Variants in PATL1 observed in about 807,000 individuals in gnomAD.
PATL1 encodes the protein protein PAT1 homolog 1.
A neutral mutation model predicts 100.6 loss-of-function variants in PATL1; 32 were observed. That is an observed-to-expected ratio of 0.32 (90% CI 0.24 to 0.43). The LOEUF is 0.43. Among genes scored for constraint, PATL1 ranks in the 20% least tolerant of loss-of-function variants. The pLI, the probability that PATL1 is intolerant of heterozygous loss-of-function variation, is 1.00. For missense variants in PATL1, 747 were observed against 949.9 expected (o/e 0.79, Z 2.81); for synonymous variants, 332 against 330.0 (o/e 1.01, Z -0.07).
chr11:59,644,914 A>G lies in PATL1; in HGVS notation c.1894-1879T>C, dbSNP rs545798248. On this transcript the variant is annotated intron_variant, in intron 15 of 18. Coordinates refer to ENST00000300146, the MANE Select transcript of PATL1 (RefSeq NM_152716.3). Reference sequence around the variant, plus strand: ...CCTTTTTTTTTTTTTTTTTTTAAAAAAAAAAAAAAAGCACAGTGCTTGGTT... The same window carrying G: ...CCTTTTTTTTTTTTTTTTTTTAAAAGAAAAAAAAAAGCACAGTGCTTGGTT... 1.5e-4 allele frequency among the ~76,000 whole-genome samples: 23 copies of G among 148,554 alleles called. No individual in the cohort carries two copies. In the South Asian group the frequency reaches 3.0e-3, roughly 19 times the overall value.
At chr11:59,650,837 T>G in intron 12 of PATL1, 24 bp from the exon 13 acceptor site, 2 of 1,486,010 alleles carry the variant, frequency 1.3e-6, no homozygotes, top group Non-Finnish European at 1.8e-6. Flanking sequence ...GACTATTCAA[T>G]GCAAATTCTT....
rs772215345 is a variant in PATL1, at chr11:59,657,543, C to G, written c.608G>C (p.Ser203Thr). Residue 203 changes from serine to threonine, a missense_variant, in exon 5 of 19, where the codon AGC becomes ACC. Transcript: ENST00000300146. Reference sequence around the variant, plus strand: ...AATGAGAGGTACCTGTTGGGTGAAGCTGGGTACAGCCATCTGTTTAGGTGG... The same window carrying G: ...AATGAGAGGTACCTGTTGGGTGAAGGTGGGTACAGCCATCTGTTTAGGTGG... ...GTPPKQMAVP[S>T]FTQQILCPKP... 12 of 1,601,498 alleles carry G rather than the reference C, an allele frequency of 7.5e-6. No homozygotes were observed. In the South Asian group the frequency reaches 1.2e-4, roughly 16 times the overall value.
intron 16 of PATL1, among the ~76,000 whole-genome samples, chr11:59,640,093 G>A (rs1217470415): frequency 6.6e-6 from 1 of 152,204 alleles, no homozygotes; most frequent in South Asian, 2.1e-4. Context: ...TGTAATCCCA[G>A]CACTATGGGA....
intron 15 of PATL1, among the ~76,000 whole-genome samples, chr11:59,644,888 T>C (rs1861338122): frequency 1.0e-5 from 1 of 96,238 alleles, no homozygotes; most frequent in Admixed American, 1.3e-4. Flanking sequence ...AGACTTCGTT[T>C]CCTTTTTTTT....
At chr11:59,665,512 C>T (rs182033942) in intron 2 of PATL1, among the ~76,000 whole-genome samples, 2 of 152,270 alleles carry the variant, frequency 1.3e-5, no homozygotes, top group African/African-American at 2.4e-5. Flanking sequence ...TAAAAATATA[C>T]AGTTTTGGCC....
At chr11:59,644,259 A>T (rs1248124604) in intron 15 of PATL1, among the ~76,000 whole-genome samples, 1 of 152,150 alleles carries the variant, frequency 6.6e-6, no homozygotes, top group Admixed American at 6.6e-5. Flanking sequence ...CCCAAAATAC[A>T]TCAGTTTGTA....
chr11:59,648,950 T>A (rs1861401983), intron 14 of PATL1, among the ~76,000 whole-genome samples: 1 of 152,222 alleles, frequency 6.6e-6, no homozygotes, highest in Admixed American at 6.5e-5. Context: ...TATTCAGGAT[T>A]TACAGAACAT....
chr11:59,652,336 T>C (rs1454024615), intron 11 of PATL1, 128 bp downstream of exon 11: 3 of 1,332,634 alleles, frequency 2.3e-6, no homozygotes, highest in African/African-American at 2.9e-5. Flanking sequence ...TTAAGAACAA[T>C]GGTACTTTTA....
intron 5 of PATL1, 42 bp downstream of exon 5, chr11:59,657,488 A>G (rs1251671900): frequency 7.0e-7 from 1 of 1,428,284 alleles, no homozygotes; most frequent in Non-Finnish European, 9.3e-7. Context: ...TTTTGCCCAG[A>G]TTCCCAATAT....
At chr11:59,662,352 T>TA (rs1344371300) in intron 2 of PATL1, among the ~76,000 whole-genome samples, 3 of 152,190 alleles carry the variant, frequency 2.0e-5, no homozygotes, top group Non-Finnish European at 4.4e-5. Flanking sequence ...AGTTTCCTCT[T>TA]ACCTGAGTGA....
chr11:59,665,682 A>C (rs771716462), intron 2 of PATL1, among the ~76,000 whole-genome samples: 206 of 152,256 alleles, frequency 1.4e-3, no homozygotes, highest in Middle Eastern at 3.4e-3. Context: ...GCTACTTGGG[A>C]GGCTGAGACA....
At chr11:59,646,278 ATTTTT>A (rs35277057) in intron 15 of PATL1, among the ~76,000 whole-genome samples, 3 of 133,796 alleles carry the variant, frequency 2.2e-5, no homozygotes, top group Non-Finnish European at 1.6e-5. Context: ...CATTTGTGGA[ATTTTT>A]TTTTTTTTTT....
intron 2 of PATL1, among the ~76,000 whole-genome samples, chr11:59,664,958 C>T (rs2134762932): frequency 6.6e-6 from 1 of 152,352 alleles, no homozygotes; most frequent in East Asian, 1.9e-4. Context: ...TTCCACTCTA[C>T]ATCTCTTTGC....
intron 16 of PATL1, among the ~76,000 whole-genome samples, chr11:59,640,823 A>G (rs1179198783): frequency 6.6e-6 from 1 of 152,052 alleles, no homozygotes; most frequent in Non-Finnish European, 1.5e-5. Context: ...TGAGTCCAGG[A>G]GTTCGAGACC....
At chr11:59,664,270 T>C (rs149324914) in intron 2 of PATL1, among the ~76,000 whole-genome samples, 1 of 152,146 alleles carries the variant, frequency 6.6e-6, no homozygotes, top group East Asian at 1.9e-4. Flanking sequence ...CACTCTAACA[T>C]CCTTTTAAGG....
intron 16 of PATL1, among the ~76,000 whole-genome samples, chr11:59,641,912 A>G (rs1269166115): frequency 1.3e-5 from 2 of 152,192 alleles, no homozygotes; most frequent in East Asian, 3.8e-4. Flanking sequence ...ACTGACCTTT[A>G]GAGTCATGCT....
At chr11:59,654,489 T>TGAAAAA (rs1396576130) in intron 8 of PATL1, among the ~76,000 whole-genome samples, 2 of 82,426 alleles carry the variant, frequency 2.4e-5, no homozygotes, top group African/African-American at 8.5e-5. Flanking sequence ...TCAAAAACAT[T>TGAAAAA]AAAAAAAAAA....
chr11:59,655,695 C>T lies in PATL1; in HGVS notation c.859G>A (p.Gly287Arg). ...MSPSQFARVP[G>R]FVGSPLAAMN... ...GCAGCAAGTGGACTACCAACAAATC[C>T]AGGGACCCGTGCAAACTGGCTGGGA... The change falls in exon 8 of 19, where the codon GGA becomes AGA. Residue 287 changes from glycine to arginine, a missense_variant. Physicochemically the swap from Gly to Arg is moderately radical, Grantham distance 125. Coordinates refer to ENST00000300146, the MANE Select transcript of PATL1 (RefSeq NM_152716.3). The T allele has an allele frequency of 1.2e-6, 2 of 1,604,484 alleles. No individual in the cohort carries two copies. Among genetic ancestry groups the T allele is most frequent in the Non-Finnish European group, 1.7e-6 (2 of 1,175,452 alleles).
intron 2 of PATL1, among the ~76,000 whole-genome samples, 164 bp from the exon 3 acceptor site, chr11:59,659,633 G>T (rs1861601319): frequency 6.6e-6 from 1 of 151,924 alleles, no homozygotes; most frequent in South Asian, 2.1e-4. Flanking sequence ...CCGGGTTCAA[G>T]CAATTCTCTG....
Sources: gnomAD v4.1 joint callset for allele counts (sites outside exome capture counted in the v4.1 genomes callset) on GRCh38, gnomAD v4.1.1 for gene constraint, MANE v1.5 for transcripts, NCBI Gene and HGNC (gene_info 2026-07-23, HGNC 2026-07-21) for gene names.